Variants in ARHGAP11B observed in about 807,000 individuals in gnomAD.
ARHGAP11B encodes Rho GTPase activating protein 11B, also known as inactive Rho GTPase-activating protein 11B.
A neutral mutation model predicts 27.6 loss-of-function variants in ARHGAP11B; 14 were observed. The ratio of observed to expected loss-of-function variants is 0.51; its 90% confidence interval spans 0.34 to 0.79. The LOEUF is 0.79. ARHGAP11B is among the 30% of genes least tolerant of loss of function. ARHGAP11B has a pLI of 0.02. For synonymous variants in ARHGAP11B, 82 were observed against 114.1 expected, an observed-to-expected ratio of 0.72 and a Z score of 1.80; for missense variants, 245 against 320.1, an observed-to-expected ratio of 0.77 and a Z score of 1.79.
chr15:30,648,881 T>TC (rs1342255144), exon 11 of ARHGAP11B: 37 of 152,072 alleles, frequency 2.4e-4, no homozygotes, highest in Non-Finnish European at 4.9e-4. Context: ...AATGTTACTC[T>TC]CCCAAAGTAA....
At chr15:30,646,696 G>T (rs552736433) in intron 9 of ARHGAP11B, among the ~76,000 whole-genome samples, 11 of 151,224 alleles carry the variant, frequency 7.3e-5, no homozygotes, top group Non-Finnish European at 1.5e-4. Flanking sequence ...TAGCCCAGGC[G>T]CAGTGGCTCA....
rs552560410 is a variant in ARHGAP11B at position 30,637,593 on chromosome 15, G to A, written c.*4-1153G>A. On this transcript the variant is annotated intron_variant, in intron 6 of 10. Coordinates refer to ENST00000428041, the Ensembl canonical transcript of ARHGAP11B. Reference sequence around the variant, plus strand: ...ACTAAGAATATAAAAAATTAGCTGGGCGTGGTGGCGGGCGCCTGTAGTCCC... The same window carrying A: ...ACTAAGAATATAAAAAATTAGCTGGACGTGGTGGCGGGCGCCTGTAGTCCC... Among the ~76,000 whole-genome samples the A allele has an allele frequency of 1.2e-3, 179 of 152,014 alleles. 1 individual carries two copies. The highest frequency in any genetic ancestry group is 4.1e-3 in the African/African-American group (172 of 41,502).
At chr15:30,636,042 A>G (rs2060277892) in intron 6 of ARHGAP11B, among the ~76,000 whole-genome samples, 1 of 151,104 alleles carries the variant, frequency 6.6e-6, no homozygotes, top group African/African-American at 2.4e-5. Context: ...ATAGCGCAGT[A>G]TGACTTGAGT....
intron 7 of ARHGAP11B, among the ~76,000 whole-genome samples, chr15:30,641,804 C>T (rs1001573183): frequency 5.3e-5 from 8 of 151,882 alleles, no homozygotes; most frequent in African/African-American, 1.9e-4. Context: ...ACAACATCCA[C>T]CTCCGATGTT....
Position 30,648,274 on chromosome 15 carries a change from A to G in ARHGAP11B, c.*372-30A>G, listed in dbSNP as rs149858985. 1.5e-3 allele frequency among the ~76,000 whole-genome samples: 229 copies of G among 152,168 alleles called. 4 individuals carry two copies. The East Asian group carries it at 0.019, about 12-fold the overall frequency. ...ATGAGATTATGATTTATAAACTCCCAATGGAAGGAAGTGTCCTTACTTTTT... is the reference window on the plus strand; with the variant it reads ...ATGAGATTATGATTTATAAACTCCCGATGGAAGGAAGTGTCCTTACTTTTT... On this transcript the variant is annotated intron_variant, in intron 10 of 10. Coordinates refer to ENST00000428041, the Ensembl canonical transcript of ARHGAP11B.
At chr15:30,627,039 T>G (rs2060213659) in intron 1 of ARHGAP11B, 90 bp downstream of exon 1, 2 of 1,558,514 alleles carry the variant, frequency 1.3e-6, no homozygotes, top group Non-Finnish European at 8.7e-7. Flanking sequence ...ATGTTCACTC[T>G]GTGTATCAAA....
At chr15:30,635,187 A>C (rs1322509038) in exon 5 of ARHGAP11B, 2 of 1,613,124 alleles carry the variant, frequency 1.2e-6, no homozygotes, top group Non-Finnish European at 1.7e-6. Context: ...GCAGAAAAGA[A>C]GGTACGATTA....
intron 1 of ARHGAP11B, among the ~76,000 whole-genome samples, chr15:30,628,786 G>A (rs2060225266): frequency 1.3e-5 from 2 of 152,190 alleles, no homozygotes; most frequent in Middle Eastern, 3.4e-3. Flanking sequence ...GCCGACTGGT[G>A]TTTGTTAGCT....
rs553472149 is a variant in ARHGAP11B, at chr15:30,647,179, C to A, written c.*325-489C>A. Among the ~76,000 whole-genome samples the A allele has an allele frequency of 5.3e-5, 8 of 151,924 alleles. No individual in the cohort carries two copies. In the South Asian group the frequency reaches 1.7e-3, roughly 32 times the overall value. ...TCCTCTGGGAATATTACGTTTTGGA[C>A]AATCTTGGTCCATTGGTAAGCTTAT... On this transcript the variant is annotated intron_variant, in intron 9 of 10. Coordinates refer to ENST00000428041, the Ensembl canonical transcript of ARHGAP11B.
chr15:30,644,221 C>T (rs994531213), intron 7 of ARHGAP11B, among the ~76,000 whole-genome samples: 8 of 151,978 alleles, frequency 5.3e-5, no homozygotes, highest in Non-Finnish European at 1.2e-4. Context: ...AAATGTTTGT[C>T]TCATCTTCCC....
intron 4 of ARHGAP11B, among the ~76,000 whole-genome samples, chr15:30,634,704 A>G (rs1238692450): frequency 6.6e-6 from 1 of 151,532 alleles, no homozygotes; most frequent in African/African-American, 2.4e-5. Flanking sequence ...TTTTTAAAAT[A>G]TTTCTGTTTT....
intron 2 of ARHGAP11B, among the ~76,000 whole-genome samples, chr15:30,631,973 A>C (rs544322773): frequency 1.1e-3 from 161 of 147,596 alleles, no homozygotes; most frequent in Admixed American, 3.5e-3. Flanking sequence ...TTTAGTAGAG[A>C]TGGGGTTTCA....
chr15:30,640,308 C>T (rs1360406879), intron 7 of ARHGAP11B, among the ~76,000 whole-genome samples: 6 of 115,188 alleles, frequency 5.2e-5, no homozygotes, highest in Non-Finnish European at 5.4e-5. Flanking sequence ...ACTTTGTTGA[C>T]GCTGTTCCTT....
intron 3 of ARHGAP11B, among the ~76,000 whole-genome samples, chr15:30,633,951 G>A (rs1416877617): frequency 6.6e-6 from 1 of 151,228 alleles, no homozygotes. Flanking sequence ...CTTGAGCCTG[G>A]GAGTTTGAAG....
chr15:30,635,586 A>T (rs1188291088), exon 6 of ARHGAP11B: 1 of 1,613,382 alleles, frequency 6.2e-7, no homozygotes, highest in Non-Finnish European at 8.5e-7. Flanking sequence ...GAAGGTGAAT[A>T]TGAAACTCCT....
chr15:30,629,765 G>A (rs79036026), intron 1 of ARHGAP11B, among the ~76,000 whole-genome samples: 13 of 152,112 alleles, frequency 8.5e-5, no homozygotes, highest in Admixed American at 2.6e-4. Flanking sequence ...AAACATAAAT[G>A]CTTCTTGGTT....
chr15:30,627,913 TG>T (rs2060220342), intron 1 of ARHGAP11B, among the ~76,000 whole-genome samples: 1 of 151,988 alleles, frequency 6.6e-6, no homozygotes, highest in African/African-American at 2.4e-5. Flanking sequence ...AAGTTATTTT[TG>T]TTGGTAGCAA....
intron 1 of ARHGAP11B, among the ~76,000 whole-genome samples, chr15:30,627,489 C>A (rs1409237979): frequency 2.0e-5 from 3 of 151,980 alleles, no homozygotes; most frequent in African/African-American, 7.3e-5. Flanking sequence ...TAGAAATAGG[C>A]TTCAAATGAT....
chr15:30,645,088 C>T (rs1273208506), intron 8 of ARHGAP11B, among the ~76,000 whole-genome samples: 2 of 151,662 alleles, frequency 1.3e-5, no homozygotes, highest in Non-Finnish European at 2.9e-5. Flanking sequence ...GGGACCAGGA[C>T]ATTTGAGAAC....
Sources: gnomAD v4.1 joint callset for allele counts (sites outside exome capture counted in the v4.1 genomes callset) on GRCh38, gnomAD v4.1.1 for gene constraint, MANE v1.5 for transcripts, NCBI Gene and HGNC (gene_info 2026-07-23, HGNC 2026-07-21) for gene names.